CAND1: variants seen among roughly 807,000 people sequenced by gnomAD.
The protein encoded by CAND1 is cullin associated and neddylation dissociated 1.
In CAND1, 7 loss-of-function variants were observed where a neutral mutation model predicts 108.5. That is an observed-to-expected ratio of 0.06 (90% CI 0.04 to 0.12). The LOEUF is 0.12. CAND1 is among the 10% of genes least tolerant of loss of function. The probability of loss-of-function intolerance (pLI) is 1.00; values close to 1 mark genes in which losing one functional copy is unlikely to be tolerated. For synonymous variants in CAND1, 534 were observed against 512.0 expected (o/e 1.04, Z -0.58); for missense variants, 941 against 1,448.7 (o/e 0.65, Z 5.69).
chr12:67,289,267 A>G (rs2044700510), intron 2 of CAND1, among the ~76,000 whole-genome samples: 1 of 152,032 alleles, frequency 6.6e-6, no homozygotes, highest in Non-Finnish European at 1.5e-5. Flanking sequence ...TGCCTAGGCT[A>G]GAGTGTGGTG....
rs530455155 is a variant in CAND1 at position 67,281,627 on chromosome 12, T to G, written c.69-283T>G. 4.4e-3 allele frequency among the ~76,000 whole-genome samples: 665 copies of G among 152,288 alleles called. 4 individuals carry two copies. The highest frequency in any genetic ancestry group is 7.1e-3 in the Non-Finnish European group (485 of 68,020). Reference sequence around the variant, plus strand: ...AGTCAATTTGAGATCAAGACTGACCTGGGGAAAATAATTTTGGATAGTGGT... The same window carrying G: ...AGTCAATTTGAGATCAAGACTGACCGGGGGAAAATAATTTTGGATAGTGGT... On this transcript the variant is annotated intron_variant, in intron 1 of 14. Coordinates refer to ENST00000545606, the MANE Select transcript of CAND1 (RefSeq NM_018448.5).
intron 2 of CAND1, among the ~76,000 whole-genome samples, chr12:67,289,485 C>A (rs2044702740): frequency 6.6e-6 from 1 of 152,152 alleles, no homozygotes; most frequent in African/African-American, 2.4e-5. Flanking sequence ...ACTTCCTGGG[C>A]TCCAGTGATC....
At chr12:67,272,015 C>A (rs938674181) in intron 1 of CAND1, among the ~76,000 whole-genome samples, 4 of 151,950 alleles carry the variant, frequency 2.6e-5, no homozygotes, top group African/African-American at 7.3e-5. Context: ...TTAATTTGCT[C>A]TTTTTTAAAA....
intron 1 of CAND1, among the ~76,000 whole-genome samples, chr12:67,272,375 A>G (rs1056273944): frequency 1.3e-5 from 2 of 152,228 alleles, no homozygotes; most frequent in African/African-American, 2.4e-5. Flanking sequence ...AGGCATGGAC[A>G]TGACTAATTA....
chr12:67,289,870 G>A (rs1156703376), intron 2 of CAND1, among the ~76,000 whole-genome samples: 1 of 151,708 alleles, frequency 6.6e-6, no homozygotes, highest in Non-Finnish European at 1.5e-5. Context: ...AAATTGACCT[G>A]CCTACTACTT....
At chr12:67,286,482 G>A (rs1245808709) in intron 2 of CAND1, among the ~76,000 whole-genome samples, 1 of 151,780 alleles carries the variant, frequency 6.6e-6, no homozygotes, top group Non-Finnish European at 1.5e-5. Context: ...AGCCACTTCA[G>A]TAGGTGTGTA....
intron 2 of CAND1, among the ~76,000 whole-genome samples, chr12:67,287,857 A>ATTTTTTT (rs34177330): frequency 5.3e-5 from 6 of 112,562 alleles, no homozygotes; most frequent in Admixed American, 9.8e-5. Context: ...TTTTGATGTG[A>ATTTTTTT]TTTTTTTTTT....
chr12:67,278,406 C>G (rs572186355), intron 1 of CAND1, among the ~76,000 whole-genome samples: 1 of 152,218 alleles, frequency 6.6e-6, no homozygotes, highest in East Asian at 1.9e-4. Context: ...GCCTAGGTCT[C>G]CCAAAGTGCT....
chr12:67,305,714 T>C lies in CAND1; in HGVS notation c.2046T>C (p.Ser682=). 1 of 1,614,154 alleles carries C rather than the reference T, an allele frequency of 6.2e-7. No homozygotes were observed. The highest frequency in any genetic ancestry group is 8.5e-7 in the Non-Finnish European group (1 of 1,180,012). Residue 682 remains serine, a synonymous_variant, in exon 10 of 15, where the codon AGT becomes AGC. Coordinates refer to ENST00000545606, the MANE Select transcript of CAND1 (RefSeq NM_018448.5). This position sits in a 1 kb window ranked among gnomAD's most constrained non-coding sequence, Gnocchi z 4.4. ...SALDILIKNY[S]DSLTAAMIDA... ...TTGATATTCTAATAAAAAACTATAG[T>C]GACAGCTTGACAGCTGCCATGATTG...
At position 67,269,605 on chromosome 12, in the gene CAND1, G is replaced by C; in HGVS notation, c.-113G>C. On this transcript the variant is annotated 5_prime_UTR_variant, in exon 1 of 15. Coordinates refer to ENST00000545606, the MANE Select transcript of CAND1 (RefSeq NM_018448.5). ...GCGTCGGCGTCGCGCTGCGACCCTGGAAGCGGGAGCCGCCGCGAGCGAGAG... is the reference window on the plus strand; with the variant it reads ...GCGTCGGCGTCGCGCTGCGACCCTGCAAGCGGGAGCCGCCGCGAGCGAGAG... The C allele has an allele frequency of 1.1e-6, 1 of 892,306 alleles. No homozygotes were observed. The allele number at this position is 892,306 out of a possible 1,614,324, so 55.3% of individuals were successfully genotyped here.
intron 1 of CAND1, among the ~76,000 whole-genome samples, chr12:67,274,712 A>G (rs1347398376): frequency 1.3e-5 from 2 of 152,238 alleles, no homozygotes; most frequent in Non-Finnish European, 2.9e-5. Flanking sequence ...CCATTTTGGA[A>G]TGCAAGTTTT....
At chr12:67,271,526 T>C (rs1181832337) in intron 1 of CAND1, among the ~76,000 whole-genome samples, 1 of 152,240 alleles carries the variant, frequency 6.6e-6, no homozygotes, top group Non-Finnish European at 1.5e-5. Flanking sequence ...ACCATACATG[T>C]GATTATTGAC....
At position 67,297,455 on chromosome 12, in the gene CAND1, A is replaced by G. The variant is rs777371200; in HGVS notation, c.540A>G (p.Leu180=). The G allele has an allele frequency of 3.8e-5, 62 of 1,613,890 alleles. No individual in the cohort carries two copies. Among genetic ancestry groups the G allele is most frequent in the South Asian group, 1.5e-4 (14 of 91,072 alleles). Residue 180 remains leucine, a synonymous_variant, in exon 5 of 15, where the codon CTA becomes CTG. Coordinates refer to ENST00000545606, the MANE Select transcript of CAND1 (RefSeq NM_018448.5). ...TCCATCCTTCAATTCTGACCTGTCT[A>G]CTTCCCCAGTTGACCAGCCCTAGAC... ...VNFHPSILTC[L]LPQLTSPRLA... is the part of the protein sequence containing the mutation.
In CAND1 at chr12:67,314,637, A is replaced by T. The variant is rs879880597; in HGVS notation, c.*1807A>T. 14 of 152,228 alleles carry T rather than the reference A, an allele frequency of 9.2e-5. No individual in the cohort carries two copies. Among genetic ancestry groups the T allele is most frequent in the Non-Finnish European group, 2.1e-4 (14 of 68,034 alleles). The allele number at this position is 152,228 out of a possible 1,614,324, so 9.4% of individuals were successfully genotyped here. On this transcript the variant is annotated 3_prime_UTR_variant, in exon 15 of 15. Coordinates refer to ENST00000545606, the MANE Select transcript of CAND1 (RefSeq NM_018448.5). ...AGGACTGAACAGGAGACTGACATGC[A>T]TATGTTGTGTGAATGTCTTAGTTGG...
intron 1 of CAND1, among the ~76,000 whole-genome samples, chr12:67,273,578 T>C (rs1417372698): frequency 6.6e-6 from 1 of 150,536 alleles, no homozygotes; most frequent in Non-Finnish European, 1.5e-5. Context: ...CCTCCTGGGC[T>C]CAAGCGATTT....
intron 11 of CAND1, among the ~76,000 whole-genome samples, chr12:67,308,221 A>G (rs2044909143): frequency 6.6e-6 from 1 of 152,074 alleles, no homozygotes; most frequent in Admixed American, 6.6e-5. Flanking sequence ...GAAGCTTTGT[A>G]GCTTTGTGCC....
chr12:67,285,489 C>T (rs566516997), intron 2 of CAND1, among the ~76,000 whole-genome samples: 47 of 152,154 alleles, frequency 3.1e-4, no homozygotes, highest in African/African-American at 1.1e-3. Context: ...ACAGGTAGAA[C>T]AATTGCTGAA....
At chr12:67,302,876 G>A (rs1412780553) in intron 8 of CAND1, among the ~76,000 whole-genome samples, 5 of 152,164 alleles carry the variant, frequency 3.3e-5, no homozygotes. Context: ...TAATAGAGAA[G>A]TCTTAGAGCT....
rs911975206 is a variant in CAND1 at position 67,317,429 on chromosome 12, A to C, written c.*4599A>C. 6.6e-6 allele frequency: 1 copy of C among 150,772 alleles called. No homozygotes were observed. Among genetic ancestry groups the C allele is most frequent in the African/African-American group, 2.4e-5 (1 of 40,908 alleles). 9.3% of individuals were successfully genotyped at this position (150,772 alleles called of 1,614,324 possible). ...GATTATTGCAAGTGCCTCCTTGCCC[A>C]GCCACATGTTGTTGATTTCTTTTTT... On this transcript the variant is annotated 3_prime_UTR_variant, in exon 15 of 15. Coordinates refer to ENST00000545606, the MANE Select transcript of CAND1 (RefSeq NM_018448.5).
Sources: gnomAD v4.1 joint callset for allele counts (sites outside exome capture counted in the v4.1 genomes callset) on GRCh38, gnomAD v4.1.1 for gene constraint, Gnocchi (gnomAD v3.1) non-coding constraint, MANE v1.5 for transcripts, NCBI Gene and HGNC (gene_info 2026-07-23, HGNC 2026-07-21) for gene names.